SMYD3: variants seen among roughly 807,000 people sequenced by gnomAD.
SMYD3 encodes the protein histone-lysine N-methyltransferase SMYD3.
In SMYD3, 36 loss-of-function variants were observed where a neutral mutation model predicts 57.7. The observed-to-expected ratio is 0.62, with a 90% CI of 0.48 to 0.82. The LOEUF is 0.82. SMYD3 is among the 40% of genes least tolerant of loss of function. SMYD3 has a pLI of 0.00. For synonymous variants in SMYD3, 211 were observed against 195.0 expected (o/e 1.08, Z -0.68); for missense variants, 515 against 538.8 (o/e 0.96, Z 0.44).
chr1:245,999,023 G>A (rs2058985469), intron 5 of SMYD3, among the ~76,000 whole-genome samples: 1 of 152,096 alleles, frequency 6.6e-6, no homozygotes, highest in Non-Finnish European at 1.5e-5. Flanking sequence ...GTCGCTTCAC[G>A]GGGTAGGAAT....
rs1380416273 is a variant in SMYD3 at position 245,978,992 on chromosome 1, AT to A, written c.532-49056del. On this transcript the variant is annotated intron_variant, in intron 5 of 11. Transcript: ENST00000490107. The stretch of plus-strand genomic sequence containing the variant: ...TTGGCAGGTATGCATTGCTAAAAGC[AT>A]GTGACTACTACCGTATATCAGAGAG... Among the ~76,000 whole-genome samples the A allele has an allele frequency of 1.3e-4, 20 of 152,340 alleles. No homozygotes were observed. In the East Asian group the frequency reaches 3.9e-3, roughly 29 times the overall value.
chr1:246,455,305 A>G (rs75013469), intron 1 of SMYD3, among the ~76,000 whole-genome samples: 6,095 of 152,324 alleles, frequency 0.04, 185 homozygotes, highest in East Asian at 0.17. Flanking sequence ...ACATTTGCTT[A>G]TAAGAACTGA....
chr1:245,774,707 G>A (rs899168514), intron 10 of SMYD3, among the ~76,000 whole-genome samples: 1 of 131,622 alleles, frequency 7.6e-6, no homozygotes, highest in South Asian at 2.3e-4. Context: ...CCCTCTCCAC[G>A]GTCTCCCTCT....
intron 7 of SMYD3, among the ~76,000 whole-genome samples, chr1:245,917,795 G>C (rs941534465): frequency 1.3e-5 from 2 of 152,158 alleles, no homozygotes; most frequent in Non-Finnish European, 2.9e-5. Flanking sequence ...ATGTGTGGTG[G>C]GGGGAGAAGT....
chr1:246,253,601 G>C (rs369854683), intron 5 of SMYD3, among the ~76,000 whole-genome samples: 4 of 152,308 alleles, frequency 2.6e-5, no homozygotes, highest in East Asian at 3.9e-4. Flanking sequence ...AGCATGGAAT[G>C]TCTTTCTACT....
intron 7 of SMYD3, among the ~76,000 whole-genome samples, chr1:245,918,886 T>C (rs538693043): frequency 2.0e-5 from 3 of 152,306 alleles, no homozygotes; most frequent in African/African-American, 7.2e-5. Flanking sequence ...GATTACAGTG[T>C]GCCCAGTGTG....
chr1:246,192,062 T>C (rs992276042), intron 5 of SMYD3, among the ~76,000 whole-genome samples: 1 of 152,136 alleles, frequency 6.6e-6, no homozygotes, highest in Non-Finnish European at 1.5e-5. Context: ...CACTTAAAAG[T>C]TGGATACAGA....
chr1:245,849,088 A>G (rs1041701709), intron 10 of SMYD3, among the ~76,000 whole-genome samples: 1 of 152,176 alleles, frequency 6.6e-6, no homozygotes, highest in Non-Finnish European at 1.5e-5. Flanking sequence ...ACTGCAACCA[A>G]GGAGGCACAG....
At chr1:245,870,277 C>T (rs989328725) in intron 8 of SMYD3, among the ~76,000 whole-genome samples, 4 of 152,174 alleles carry the variant, frequency 2.6e-5, no homozygotes, top group Non-Finnish European at 5.9e-5. Context: ...GTTCCCACCG[C>T]AGCTGTGGGT....
chr1:246,429,592 A>T (rs1413080537), intron 1 of SMYD3, among the ~76,000 whole-genome samples: 1 of 152,244 alleles, frequency 6.6e-6, no homozygotes, highest in Non-Finnish European at 1.5e-5. Context: ...CTGAGAAATG[A>T]AACAGCAATC....
intron 5 of SMYD3, among the ~76,000 whole-genome samples, chr1:246,144,934 A>C (rs2061819752): frequency 6.6e-6 from 1 of 152,244 alleles, no homozygotes; most frequent in Non-Finnish European, 1.5e-5. Flanking sequence ...AAACTTCCAG[A>C]AAGTCAACTT....
At chr1:246,015,748 T>TTA (rs977385963) in intron 5 of SMYD3, among the ~76,000 whole-genome samples, 15 of 152,332 alleles carry the variant, frequency 9.8e-5, no homozygotes, top group African/African-American at 2.9e-4. Context: ...TTCACCCATG[T>TTA]TATAGCATGT....
chr1:246,268,421 C>T (rs536627295), intron 5 of SMYD3, among the ~76,000 whole-genome samples: 1 of 152,216 alleles, frequency 6.6e-6, no homozygotes, highest in South Asian at 2.1e-4. Flanking sequence ...AATAACCGGC[C>T]AGGCGCAGTG....
intron 5 of SMYD3, among the ~76,000 whole-genome samples, chr1:245,936,279 T>C (rs55806132): frequency 0.096 from 14,596 of 152,196 alleles, 907 homozygotes; most frequent in African/African-American, 0.16. Context: ...ACTTACCAGG[T>C]TGAAATTCTT....
intron 5 of SMYD3, among the ~76,000 whole-genome samples, chr1:246,205,421 C>T (rs949326173): frequency 3.9e-5 from 6 of 152,220 alleles, no homozygotes; most frequent in African/African-American, 1.4e-4. Flanking sequence ...AGTCTAGCCA[C>T]AACTCGCCAC....
At chr1:245,933,192 G>C (rs1240333891) in intron 5 of SMYD3, among the ~76,000 whole-genome samples, 1 of 152,078 alleles carries the variant, frequency 6.6e-6, no homozygotes, top group African/African-American at 2.4e-5. Flanking sequence ...TCAAAGTACT[G>C]TCTTTGTGAA....
chr1:246,015,673 G>A (rs1028725888), intron 5 of SMYD3, among the ~76,000 whole-genome samples: 2 of 152,164 alleles, frequency 1.3e-5, no homozygotes, highest in African/African-American at 4.8e-5. Flanking sequence ...GTGCCTCACA[G>A]AGGTGAAATC....
chr1:245,942,017 C>T (rs944530406), intron 5 of SMYD3, among the ~76,000 whole-genome samples: 1 of 152,216 alleles, frequency 6.6e-6, no homozygotes, highest in Non-Finnish European at 1.5e-5. Flanking sequence ...CCAGCCACTA[C>T]AGAAACACAC....
chr1:245,907,484 C>CCA (rs1224980352), intron 8 of SMYD3, among the ~76,000 whole-genome samples: 1 of 152,112 alleles, frequency 6.6e-6, no homozygotes, highest in Admixed American at 6.6e-5. Context: ...AGTCCTATAT[C>CCA]CAGCAGCAAA....
Sources: gnomAD v4.1 joint callset for allele counts (sites outside exome capture counted in the v4.1 genomes callset) on GRCh38, gnomAD v4.1.1 for gene constraint, MANE v1.5 for transcripts, NCBI Gene and HGNC (gene_info 2026-07-23, HGNC 2026-07-21) for gene names.